Variants in TUT4 observed in about 807,000 individuals in gnomAD.
The protein encoded by TUT4 is terminal uridylyl transferase 4, also known as terminal uridylyltransferase 4.
TUT4 carries 36 observed loss-of-function variants against 192.2 expected under a neutral mutation model. The observed-to-expected ratio is 0.19, with a 90% CI of 0.14 to 0.25. The LOEUF (loss-of-function observed/expected upper bound fraction) is 0.25, where lower values mean the gene tolerates loss of function less well. Ranked by LOEUF, TUT4 falls within the 10% of genes least tolerant of loss-of-function variation. The pLI, the probability that TUT4 is intolerant of heterozygous loss-of-function variation, is 1.00. For synonymous variants in TUT4, 618 were observed against 666.0 expected (o/e 0.93, Z 1.11); for missense variants, 1,493 against 1,957.2 (o/e 0.76, Z 4.47).
At chr1:52,551,686 G>GCACACA (rs148407689) in intron 1 of TUT4, among the ~76,000 whole-genome samples, 4 of 151,788 alleles carry the variant, frequency 2.6e-5, no homozygotes, top group Non-Finnish European at 5.9e-5. Context: ...GCTCGCGCGC[G>GCACACA]CACACACACA....
intron 24 of TUT4, among the ~76,000 whole-genome samples, chr1:52,438,898 C>A (rs113981339): frequency 6.6e-6 from 1 of 151,974 alleles, no homozygotes; most frequent in Non-Finnish European, 1.5e-5. Context: ...GGCAAAACCC[C>A]GTCTCTACTA....
rs201219934 is a variant in TUT4 at position 52,542,749 on chromosome 1, T to TTTTA, written c.-94+10178_-94+10181dup. On this transcript the variant is annotated intron_variant, in intron 1 of 29. Transcript: ENST00000257177. ...AAAGATGTCTGTTTTCACCATTTCT[T>TTTTA]TTTATTTATTTATTTATTTATTTTT... Among the ~76,000 whole-genome samples the TTTTA allele has an allele frequency of 6.6e-3, 999 of 151,570 alleles. 11 individuals are homozygous for TTTTA. Among genetic ancestry groups the TTTTA allele is most frequent in the Middle Eastern group, 0.014 (4 of 294 alleles).
intron 13 of TUT4, among the ~76,000 whole-genome samples, chr1:52,473,354 T>G (rs1479423307): frequency 6.6e-6 from 1 of 152,188 alleles, no homozygotes; most frequent in Non-Finnish European, 1.5e-5. Context: ...AAAGTAGTTC[T>G]GGAGATCTGT....
At chr1:52,490,919 C>T in intron 7 of TUT4, 118 bp from the exon 8 acceptor site, 2 of 832,642 alleles carry the variant, frequency 2.4e-6, no homozygotes. Context: ...GTGGGATAAT[C>T]CACTCTTCTC....
intron 20 of TUT4, among the ~76,000 whole-genome samples, chr1:52,456,214 G>A (rs1660894099): frequency 6.6e-6 from 1 of 151,800 alleles, no homozygotes. Context: ...GACCAGCCTG[G>A]CCAACATGGT....
intron 24 of TUT4, 36 bp from the exon 25 acceptor site, chr1:52,438,371 C>G: frequency 6.8e-7 from 1 of 1,473,308 alleles, no homozygotes; most frequent in Non-Finnish European, 9.3e-7. Context: ...GGAGGAATCA[C>G]TATAAAACTT....
intron 4 of TUT4, among the ~76,000 whole-genome samples, chr1:52,502,839 G>T (rs1481012294): frequency 6.6e-6 from 1 of 151,846 alleles, no homozygotes; most frequent in Non-Finnish European, 1.5e-5. Flanking sequence ...GCCCAGGCTG[G>T]TCTCAAACTC....
intron 1 of TUT4, chr1:52,535,057 A>C (rs780960184): frequency 1.3e-5 from 2 of 152,190 alleles, no homozygotes; most frequent in Non-Finnish European, 2.9e-5. Context: ...CCAAGCAATA[A>C]GCCTGCTGTA....
At chr1:52,472,806 C>T (rs1269393784) in intron 13 of TUT4, among the ~76,000 whole-genome samples, 1 of 151,974 alleles carries the variant, frequency 6.6e-6, no homozygotes, top group South Asian at 2.1e-4. Flanking sequence ...GAAAGAAACA[C>T]ATATGTTTAA....
At position 52,497,090 on chromosome 1, in the gene TUT4, C is replaced by T; in HGVS notation, c.1093G>A (p.Glu365Lys). Residue 365 changes from glutamate (E) to lysine (K), a missense_variant, in exon 5 of 30, where the codon GAA becomes AAA. Glu to Lys is a moderately conservative substitution (Grantham distance 56, BLOSUM62 1). Transcript: ENST00000257177. ...AGGTCATCATCTGTTATTCCATGTT[C>T]TTTTGCTAATTCAATGACTGCAACA... ...LSVAVIELAK[E>K]HGITDDDLRV... The T allele has an allele frequency of 6.2e-7, 1 of 1,613,944 alleles. No individual in the cohort carries two copies. The highest frequency in any genetic ancestry group is 8.5e-7 in the Non-Finnish European group (1 of 1,179,952).
chr1:52,525,088 T>C (rs1325541029), intron 2 of TUT4, among the ~76,000 whole-genome samples: 1 of 152,242 alleles, frequency 6.6e-6, no homozygotes, highest in East Asian at 1.9e-4. Context: ...AAAATCATTG[T>C]TTATCTGTAC....
intron 1 of TUT4, among the ~76,000 whole-genome samples, chr1:52,540,238 C>T (rs1383186885): frequency 2.1e-5 from 3 of 144,434 alleles, no homozygotes; most frequent in East Asian, 4.2e-4. Flanking sequence ...AAAAAATGGC[C>T]GGACGCGGTG....
intron 2 of TUT4, among the ~76,000 whole-genome samples, chr1:52,524,411 T>C (rs1313112174): frequency 2.6e-5 from 4 of 151,820 alleles, no homozygotes; most frequent in Non-Finnish European, 4.4e-5. Context: ...TACTCCCAGC[T>C]ACTCGGAGAG....
chr1:52,501,564 C>G (rs1172623619), intron 4 of TUT4, among the ~76,000 whole-genome samples: 1 of 152,078 alleles, frequency 6.6e-6, no homozygotes, highest in African/African-American at 2.4e-5. Flanking sequence ...TCCCAAAAAA[C>G]TAAACATGGA....
At chr1:52,543,057 T>C (rs1265310408) in intron 1 of TUT4, among the ~76,000 whole-genome samples, 1 of 152,078 alleles carries the variant, frequency 6.6e-6, no homozygotes, top group African/African-American at 2.4e-5. Flanking sequence ...GCCCGGCCTG[T>C]GTTCACCATT....
intron 9 of TUT4, among the ~76,000 whole-genome samples, 158 bp from the exon 10 acceptor site, chr1:52,482,081 TAA>T (rs1668608208): frequency 6.6e-6 from 1 of 152,218 alleles, no homozygotes; most frequent in Non-Finnish European, 1.5e-5. Flanking sequence ...AAATAACCAT[TAA>T]AATGTTGATG....
chr1:52,452,855 C>G (rs962573606), intron 20 of TUT4, among the ~76,000 whole-genome samples: 10 of 152,174 alleles, frequency 6.6e-5, no homozygotes, highest in African/African-American at 2.4e-4. Context: ...GCTGGTCAGT[C>G]AGAAGTTCTG....
chr1:52,446,569 T>TA, intron 21 of TUT4, 21 bp downstream of exon 21: 9 of 1,587,168 alleles, frequency 5.7e-6, no homozygotes, highest in Non-Finnish European at 7.7e-6. Context: ...TTCTAGAACA[T>TA]AAAGACTATT....
At chr1:52,443,040 T>C (rs1306424904) in intron 24 of TUT4, among the ~76,000 whole-genome samples, 2 of 152,096 alleles carry the variant, frequency 1.3e-5, no homozygotes, top group African/African-American at 4.8e-5. Context: ...TCCCAGCACT[T>C]TGGGAGGCCG....
Sources: allele counts gnomAD v4.1 joint callset (sites outside exome capture counted in the v4.1 genomes callset), GRCh38; gene constraint gnomAD v4.1.1; transcripts MANE v1.5; gene names NCBI Gene and HGNC (gene_info 2026-07-23, HGNC 2026-07-21).